Variants in SETD5 observed in about 807,000 individuals in gnomAD.
The protein encoded by SETD5 is histone-lysine N-methyltransferase SETD5.
A neutral mutation model predicts 153.3 loss-of-function variants in SETD5; 44 were observed. The ratio of observed to expected loss-of-function variants is 0.29; its 90% CI spans 0.23 to 0.37. The LOEUF (loss-of-function observed/expected upper bound fraction) is 0.37. SETD5 is among the 10% of genes least tolerant of loss of function. The pLI is 1.00. For missense variants in SETD5, 1,544 were observed against 1,768.0 expected (o/e 0.87, Z 2.27); for synonymous variants, 716 against 645.2 (o/e 1.11, Z -1.66).
chr3:9,475,856 G>A lies in SETD5; in HGVS notation c.4094G>A (p.Ser1365Asn), dbSNP rs887619639. 6.2e-7 allele frequency: 1 copy of A among 1,613,890 alleles called. No homozygotes were observed. The highest frequency in any genetic ancestry group is 1.3e-5 in the African/African-American group (1 of 74,930). Reference protein sequence around the residue: ...SPTSDSVSQSSTGTLSSTSFP... With the variant: ...SPTSDSVSQSNTGTLSSTSFP... Reference sequence around the variant, plus strand: ...ACCTCAGATTCAGTTTCTCAGTCCAGCACAGGAACTCTGAGTTCCACCTCC... The same window carrying A: ...ACCTCAGATTCAGTTTCTCAGTCCAACACAGGAACTCTGAGTTCCACCTCC... Residue 1365 changes from serine to asparagine, a missense_variant, in exon 23 of 23, where the codon AGC becomes AAC. Ser to Asn is a conservative substitution (Grantham distance 46, BLOSUM62 1). Around this residue, in one of 9 missense-constraint regions of SETD5, gnomAD observed 302 missense variants for 277.6 expected, o/e 1.09. Coordinates refer to ENST00000402198, the MANE Select transcript of SETD5 (RefSeq NM_001080517.3).
At chr3:9,412,661 T>G (rs2036786272) in intron 1 of SETD5, among the ~76,000 whole-genome samples, 1 of 151,718 alleles carries the variant, frequency 6.6e-6, no homozygotes, top group African/African-American at 2.4e-5. Flanking sequence ...GTCTCATACC[T>G]CAGCCTCCCA....
chr3:9,419,028 T>C (rs1308140482), intron 1 of SETD5, among the ~76,000 whole-genome samples: 1 of 152,008 alleles, frequency 6.6e-6, no homozygotes, highest in African/African-American at 2.4e-5. Flanking sequence ...GGTTTCATCA[T>C]CTTGGCCAGG....
intron 17 of SETD5, among the ~76,000 whole-genome samples, chr3:9,458,175 A>G (rs1313422954): frequency 1.3e-5 from 2 of 152,136 alleles, no homozygotes; most frequent in Non-Finnish European, 1.5e-5. Context: ...GTAACTCTCA[A>G]CTACTTGGGA....
chr3:9,454,477 G>A (rs781276833), intron 17 of SETD5, among the ~76,000 whole-genome samples: 7 of 151,972 alleles, frequency 4.6e-5, no homozygotes, highest in South Asian at 2.1e-4. Context: ...AAATTAGCTG[G>A]GTGTGGTGGC....
chr3:9,478,126 C>T lies in SETD5; in HGVS notation c.*2035C>T, dbSNP rs2045954251. The T allele has an allele frequency of 6.5e-6, 1 of 153,170 alleles. No individual in the cohort carries two copies. The highest frequency in any genetic ancestry group is 2.4e-5 in the African/African-American group (1 of 41,418). The allele number at this position is 153,170 out of a possible 1,614,324, so 9.5% of individuals were successfully genotyped here. A position where few individuals can be genotyped will look rare whatever the true frequency, so the allele number is the denominator to read the frequency against. ...ATGTAATAATTTTGATAATAAAATT[C>T]TTAACCATAATAATCATAAAGTTGA... On this transcript the variant is annotated 3_prime_UTR_variant, in exon 23 of 23. Coordinates refer to ENST00000402198, the MANE Select transcript of SETD5 (RefSeq NM_001080517.3).
Position 9,403,911 on chromosome 3 carries a change from C to T in SETD5, c.-177+5934C>T, listed in dbSNP as rs565465904. On this transcript the variant is annotated intron_variant, in intron 1 of 22. Transcript: ENST00000402198. ...AGTTACTTTTAAAATAAATGTTTTG[C>T]GTCAGTTCTTTTTTTAAAAATAAAG... is the stretch of plus-strand genomic sequence containing the variant. Among the ~76,000 whole-genome samples the T allele has an allele frequency of 3.9e-5, 6 of 152,082 alleles. No homozygotes were observed. In the South Asian group the frequency reaches 6.2e-4, roughly 16 times the overall value.
At chr3:9,402,269 A>T (rs1395583790) in intron 1 of SETD5, among the ~76,000 whole-genome samples, 1 of 152,208 alleles carries the variant, frequency 6.6e-6, no homozygotes, top group Non-Finnish European at 1.5e-5. Flanking sequence ...GACAAAATGC[A>T]TTCTGTCTTT....
intron 7 of SETD5, chr3:9,436,783 G>T: frequency 7.1e-7 from 1 of 1,405,596 alleles, no homozygotes; most frequent in Non-Finnish European, 9.8e-7. Flanking sequence ...TTTAGTCTCA[G>T]ATAGGTATAA....
In SETD5 at chr3:9,470,542, A is replaced by G. The variant is rs372223844; in HGVS notation, c.2808A>G (p.Leu936=). 5 of 1,613,632 alleles carry G rather than the reference A, an allele frequency of 3.1e-6. No homozygotes were observed. The East Asian group carries it at 8.9e-5, about 29-fold the overall frequency. Residue 936 remains leucine, a synonymous_variant, in exon 19 of 23, where the codon CTA becomes CTG. Coordinates refer to ENST00000402198, the MANE Select transcript of SETD5 (RefSeq NM_001080517.3). The stretch of plus-strand genomic sequence containing the variant: ...ACAGCTGTGCTGATAGACCTTCCCT[A>G]CTCAACTCAGGTCATTCTGACCTGG... ...NTNSCADRPS[L]LNSGHSDLAP... is the part of the protein sequence containing the mutation.
rs2045177188 is a variant in SETD5, at chr3:9,470,463, G to A, written c.2729G>A (p.Cys910Tyr). The A allele has an allele frequency of 1.2e-6, 2 of 1,606,252 alleles. No homozygotes were observed. Among genetic ancestry groups the A allele is most frequent in the Non-Finnish European group, 1.7e-6 (2 of 1,174,684 alleles). The change falls in exon 19 of 23, where the codon TGT becomes TAT. Residue 910 changes from cysteine to tyrosine, a missense_variant. Cys to Tyr is a radical substitution (Grantham distance 194, BLOSUM62 -2). This residue lies in a region of SETD5 where 782 missense variants were observed against 787.2 expected (regional missense o/e 0.99). Transcript: ENST00000402198. The part of the protein sequence containing the change: ...RCNTPLQFEL[C>Y]HRKDLDLAKV... Reference sequence around the variant, plus strand: ...CGTTGATTTTTATTCTTTCAGCTTTGTCACCGAAAAGACCTGGATTTGGCA... The same window carrying A: ...CGTTGATTTTTATTCTTTCAGCTTTATCACCGAAAAGACCTGGATTTGGCA...
At chr3:9,432,463 A>T (rs1041839702) in intron 3 of SETD5, 1 of 198,634 alleles carries the variant, frequency 5.0e-6, no homozygotes, top group Non-Finnish European at 9.0e-6. Context: ...TTGTTATTTC[A>T]AGCGAACAAT....
At position 9,402,974 on chromosome 3, in the gene SETD5, T is replaced by A. The variant is rs144909632; in HGVS notation, c.-177+4997T>A. 2.9e-3 allele frequency among the ~76,000 whole-genome samples: 445 copies of A among 152,158 alleles called. 4 individuals are homozygous for A. The East Asian group carries it at 0.037, about 13-fold the overall frequency. ...GTCAGACTGACTCCCTTATTATGCCTCCAGTAGGCCTGTCAATATGGCCAA... is the reference window on the plus strand; with the variant it reads ...GTCAGACTGACTCCCTTATTATGCCACCAGTAGGCCTGTCAATATGGCCAA... On this transcript the variant is annotated intron_variant, in intron 1 of 22. Transcript: ENST00000402198.
At chr3:9,472,406 C>T (rs561453990) in intron 19 of SETD5, among the ~76,000 whole-genome samples, 1 of 144,752 alleles carries the variant, frequency 6.9e-6, no homozygotes, top group African/African-American at 2.5e-5. Context: ...AGGCAGGGCA[C>T]GGATTATGGT....
intron 1 of SETD5, among the ~76,000 whole-genome samples, chr3:9,409,190 C>G (rs2036178721): frequency 6.6e-6 from 1 of 152,086 alleles, no homozygotes; most frequent in Non-Finnish European, 1.5e-5. Context: ...AATCACTGGC[C>G]TATATTCATG....
rs2042243931 is a variant in SETD5 at position 9,448,278 on chromosome 3, T to TA, written c.2104-109dup. The TA allele has an allele frequency of 3.4e-6, 5 of 1,462,198 alleles. No individual in the cohort carries two copies. The Admixed American group carries it at 7.4e-5, about 22-fold the overall frequency. The allele number at this position is 1,462,198 out of a possible 1,614,324, so 90.6% of individuals were successfully genotyped here. ...GTGTTCTAGTTGCTCAATTCATTCT[T>TA]ACTGCAGCTGCTGCATCTCCTCCTG... On this transcript the variant is annotated intron_variant, in intron 15 of 22. Coordinates refer to ENST00000402198, the MANE Select transcript of SETD5 (RefSeq NM_001080517.3).
Position 9,440,549 on chromosome 3 carries a change from T to G in SETD5, c.661T>G (p.Phe221Val). 4.3e-6 allele frequency: 7 copies of G among 1,613,966 alleles called. No individual in the cohort carries two copies. The highest frequency in any genetic ancestry group is 5.9e-6 in the Non-Finnish European group (7 of 1,179,854). Residue 221 changes from phenylalanine (F) to valine (V), a missense_variant, in exon 8 of 23, where the codon TTC becomes GTC. By Grantham distance (50) the Phe-to-Val change is conservative (BLOSUM62 -1). Around this residue, in one of 9 missense-constraint regions of SETD5, gnomAD observed 251 missense variants for 326.9 expected, o/e 0.77. Coordinates refer to ENST00000402198, the MANE Select transcript of SETD5 (RefSeq NM_001080517.3). Reference protein sequence around the residue: ...RLWTDQYEEAFTNQYSADVQN... With the variant: ...RLWTDQYEEAVTNQYSADVQN... ...ATGGACTGACCAGTATGAAGAAGCT[T>G]TCACTAATCAGTACAGTGCAGATGT...
At chr3:9,463,132 G>T (rs894083747) in intron 17 of SETD5, among the ~76,000 whole-genome samples, 5 of 152,092 alleles carry the variant, frequency 3.3e-5, no homozygotes, top group Admixed American at 6.6e-5. Flanking sequence ...TGATTCTTGT[G>T]CCTCCACCTC....
At chr3:9,431,092 C>T in intron 3 of SETD5, 2 of 985,426 alleles carry the variant, frequency 2.0e-6, no homozygotes, top group Non-Finnish European at 1.2e-6. Context: ...GTGCAGCATA[C>T]TCAACTAGAT....
chr3:9,445,962 G>GTT lies in SETD5; in HGVS notation c.1524+223_1524+224dup, dbSNP rs1432231015. ...TATTATCTAGTGATGGTTTGAAGAG[G>GTT]TTGTTTTTTTTTTTTTTTTTTTTTT... is the stretch of plus-strand genomic sequence containing the variant. On this transcript the variant is annotated intron_variant, in intron 13 of 22. Transcript: ENST00000402198. 1.9e-3 allele frequency among the ~76,000 whole-genome samples: 224 copies of GTT among 120,206 alleles called. 12 individuals carry two copies. The highest frequency in any genetic ancestry group is 0.018 in the East Asian group (77 of 4,362). 78.9% of individuals were successfully genotyped at this position (120,206 alleles called of 152,430 possible). A position where few individuals can be genotyped will look rare whatever the true frequency, so the allele number is the denominator to read the frequency against.
Sources: allele counts gnomAD v4.1 joint callset (sites outside exome capture counted in the v4.1 genomes callset), GRCh38; gene constraint gnomAD v4.1.1; regional missense constraint gnomAD v4.1.1; transcripts MANE v1.5; gene names NCBI Gene and HGNC (gene_info 2026-07-23, HGNC 2026-07-21).